The following NTM variants were observed in gnomAD, a reference collection of about 807,000 sequenced individuals.
The protein encoded by NTM is neurotrimin.
Under a neutral mutation model 42.1 loss-of-function variants are expected in NTM, and 13 were observed. The observed-to-expected ratio is 0.31, with a 90% CI of 0.20 to 0.49. The LOEUF is 0.49. Among genes scored for constraint, NTM ranks in the 20% least tolerant of loss-of-function variants. The probability of loss-of-function intolerance (pLI) is 0.99; values close to 1 mark genes in which losing one functional copy is unlikely to be tolerated. For synonymous variants in NTM, 187 were observed against 179.2 expected (o/e 1.04, Z -0.35); for missense variants, 373 against 452.8 (o/e 0.82, Z 1.60).
intron 1 of NTM, among the ~76,000 whole-genome samples, chr11:131,693,229 G>A (rs1485667875): frequency 1.3e-5 from 2 of 152,136 alleles, no homozygotes; most frequent in South Asian, 4.2e-4. Flanking sequence ...TGGGGCAGAG[G>A]CTGATTCAGG....
chr11:132,176,245 A>G (rs1348535764), intron 3 of NTM, among the ~76,000 whole-genome samples: 3 of 152,006 alleles, frequency 2.0e-5, no homozygotes, highest in Admixed American at 1.3e-4. Context: ...AGTCAGATAC[A>G]GTTTGTTGGG....
intron 1 of NTM, among the ~76,000 whole-genome samples, chr11:131,875,752 A>G (rs906993919): frequency 1.3e-5 from 2 of 152,186 alleles, no homozygotes; most frequent in African/African-American, 4.8e-5. Context: ...TGTGGGCTTC[A>G]TGGACACTGT....
chr11:132,316,945 G>A (rs2095444188), intron 7 of NTM, among the ~76,000 whole-genome samples: 8 of 152,136 alleles, frequency 5.3e-5, no homozygotes, highest in Admixed American at 4.6e-4. Flanking sequence ...TACTTTTTGC[G>A]AATATACAAA....
intron 2 of NTM, among the ~76,000 whole-genome samples, chr11:132,109,331 A>G (rs1314581563): frequency 1.3e-5 from 2 of 152,130 alleles, no homozygotes; most frequent in East Asian, 3.9e-4. Context: ...GTGTAAAAGC[A>G]TTCCCATTTC....
chr11:131,942,498 GCAC>G (rs1188767733), intron 2 of NTM, among the ~76,000 whole-genome samples: 4 of 152,170 alleles, frequency 2.6e-5, no homozygotes, highest in Admixed American at 6.5e-5. Flanking sequence ...GCTGGGAAAG[GCAC>G]CCTTTCTCTG....
At chr11:131,418,092 A>T (rs1947133979) in intron 1 of NTM, among the ~76,000 whole-genome samples, 1 of 152,232 alleles carries the variant, frequency 6.6e-6, no homozygotes, top group Non-Finnish European at 1.5e-5. Context: ...TGGGCTTGCC[A>T]TTCAGACAGC....
At chr11:131,772,240 G>T (rs1269233758) in intron 1 of NTM, among the ~76,000 whole-genome samples, 2 of 152,128 alleles carry the variant, frequency 1.3e-5, no homozygotes, top group Non-Finnish European at 2.9e-5. Flanking sequence ...CATTGTTATA[G>T]AGTATAGGAG....
chr11:132,316,665 C>CAGTTGAGAGATCATTCCTGAGGA (rs2095437710), intron 7 of NTM, among the ~76,000 whole-genome samples: 2 of 152,238 alleles, frequency 1.3e-5, no homozygotes, highest in South Asian at 4.2e-4. Flanking sequence ...TTGTTAGCTT[C>CAGTTGAGAGATCATTCCTGAGGA]AGTTGAGAGA....
chr11:132,148,112 T>G (rs567489181), intron 3 of NTM, among the ~76,000 whole-genome samples: 2 of 152,290 alleles, frequency 1.3e-5, no homozygotes, highest in South Asian at 4.1e-4. Context: ...TTACTCTTTC[T>G]TCCCCAAAGG....
At chr11:131,433,861 A>G (rs925295691) in intron 1 of NTM, among the ~76,000 whole-genome samples, 2 of 152,200 alleles carry the variant, frequency 1.3e-5, no homozygotes, top group Admixed American at 6.5e-5. Flanking sequence ...AGGTTGTTAC[A>G]TAGGTATACA....
chr11:132,219,365 AC>A (rs1456285910), intron 4 of NTM, among the ~76,000 whole-genome samples: 3 of 151,984 alleles, frequency 2.0e-5, no homozygotes, highest in Non-Finnish European at 4.4e-5. Flanking sequence ...GCCAGGAACC[AC>A]CCTAATGCTG....
At chr11:132,107,179 C>T (rs1247393903) in intron 2 of NTM, among the ~76,000 whole-genome samples, 1 of 152,082 alleles carries the variant, frequency 6.6e-6, no homozygotes, top group East Asian at 1.9e-4. Flanking sequence ...GGCATTGGGA[C>T]TGTCAGCTAC....
At chr11:131,676,388 G>A (rs2134718520) in intron 1 of NTM, among the ~76,000 whole-genome samples, 1 of 152,336 alleles carries the variant, frequency 6.6e-6, no homozygotes, top group Non-Finnish European at 1.5e-5. Flanking sequence ...GCTACCCAAA[G>A]AAGTGAAGGG....
At chr11:132,242,572 T>A (rs879069832) in intron 4 of NTM, among the ~76,000 whole-genome samples, 3 of 152,246 alleles carry the variant, frequency 2.0e-5, no homozygotes, top group Admixed American at 6.5e-5. Flanking sequence ...CTCCCTCAGG[T>A]GCCCTTAGGC....
Position 131,639,753 on chromosome 11 carries a change from C to T in NTM, c.82+268865C>T, listed in dbSNP as rs1159366933. On this transcript the variant is annotated intron_variant, in intron 1 of 8. Coordinates refer to ENST00000683400, the MANE Select transcript of NTM (RefSeq NM_001352005.2). ...CAGGCAGATCACAAGGTCAGGAGTT[C>T]GAGACCAGCCTGGCCAACATGGTGA... Among the ~76,000 whole-genome samples, 3 of 151,920 alleles carry T rather than the reference C, an allele frequency of 2.0e-5. No individual in the cohort carries two copies. The East Asian group carries it at 5.8e-4, about 29-fold the overall frequency.
intron 2 of NTM, among the ~76,000 whole-genome samples, chr11:132,076,724 A>C (rs1013849919): frequency 2.6e-5 from 4 of 152,120 alleles, no homozygotes; most frequent in African/African-American, 9.7e-5. Context: ...GAATCTCTCA[A>C]CCTCATTTTT....
At chr11:132,042,127 A>G (rs931882926) in intron 2 of NTM, among the ~76,000 whole-genome samples, 3 of 152,158 alleles carry the variant, frequency 2.0e-5, no homozygotes, top group African/African-American at 7.2e-5. Flanking sequence ...TCTCCCTTTT[A>G]TACTTCAAAT....
chr11:131,633,345 T>A (rs994589095), intron 1 of NTM, among the ~76,000 whole-genome samples: 46 of 152,196 alleles, frequency 3.0e-4, no homozygotes, highest in African/African-American at 1.1e-3. Context: ...TGGAACTTAA[T>A]GTCTTGTGTA....
At chr11:131,973,561 G>A (rs1487358461) in intron 2 of NTM, among the ~76,000 whole-genome samples, 1 of 152,158 alleles carries the variant, frequency 6.6e-6, no homozygotes, top group African/African-American at 2.4e-5. Flanking sequence ...GGCTCATGCC[G>A]ATAATCCCAG....
Sources: gnomAD v4.1 joint callset for allele counts (sites outside exome capture counted in the v4.1 genomes callset) on GRCh38, gnomAD v4.1.1 for gene constraint, MANE v1.5 for transcripts, NCBI Gene and HGNC (gene_info 2026-07-23, HGNC 2026-07-21) for gene names.